KCNMB2: variants seen among roughly 807,000 people sequenced by gnomAD.
The protein encoded by KCNMB2 is calcium-activated potassium channel subunit beta-2.
KCNMB2 carries 9 observed loss-of-function variants against 24.5 expected under a neutral mutation model. The ratio of observed to expected loss-of-function variants is 0.37; its 90% CI spans 0.22 to 0.64. The LOEUF is 0.64. KCNMB2 is among the 30% of genes least tolerant of loss of function. The pLI is 0.63. For missense variants in KCNMB2, 226 were observed against 284.3 expected, an observed-to-expected ratio of 0.79 and a Z score of 1.47; for synonymous variants, 109 against 104.4, an observed-to-expected ratio of 1.04 and a Z score of -0.27.
chr3:178,717,479 T>C (rs992320532), intron 1 of KCNMB2, among the ~76,000 whole-genome samples: 5 of 152,142 alleles, frequency 3.3e-5, no homozygotes, highest in African/African-American at 1.2e-4. Context: ...AACCTCAGTA[T>C]AGGATGCTGC....
chr3:178,696,840 A>G (rs571298051), intron 1 of KCNMB2, among the ~76,000 whole-genome samples: 2 of 90,140 alleles, frequency 2.2e-5, no homozygotes, highest in Admixed American at 1.1e-4. Context: ...TTTACCAAAA[A>G]GTAAATTACT....
intron 1 of KCNMB2, among the ~76,000 whole-genome samples, chr3:178,614,283 ATATATATATATATG>A (rs1240490111): frequency 1.4e-5 from 1 of 69,544 alleles, no homozygotes; most frequent in East Asian, 4.7e-4. Flanking sequence ...ATATATATAT[ATATATATATATATG>A]TATGTATATA....
intron 1 of KCNMB2, among the ~76,000 whole-genome samples, chr3:178,762,666 G>T (rs1180718418): frequency 6.6e-6 from 1 of 152,100 alleles, no homozygotes; most frequent in Non-Finnish European, 1.5e-5. Flanking sequence ...GTTGAAACTG[G>T]GGTGGCAGTA....
chr3:178,684,819 G>A lies in KCNMB2; in HGVS notation c.-67-122524G>A, dbSNP rs185543073. 1.3e-3 allele frequency among the ~76,000 whole-genome samples: 199 copies of A among 152,198 alleles called. 1 individual carries two copies. Among genetic ancestry groups the A allele is most frequent in the Non-Finnish European group, 2.2e-3 (153 of 68,012 alleles). The stretch of plus-strand genomic sequence containing the variant: ...GCACTCCAGCCTGTGCAACAAGAGC[G>A]AAACTCCGTCTCAAAAAATAAATAA... On this transcript the variant is annotated intron_variant, in intron 1 of 4. Transcript: ENST00000452583.
chr3:178,759,303 A>T (rs1435370337), intron 1 of KCNMB2, among the ~76,000 whole-genome samples: 8 of 109,908 alleles, frequency 7.3e-5, no homozygotes, highest in Admixed American at 2.9e-4. Context: ...AGACATATAT[A>T]TATCTCCAAG....
chr3:178,823,301 G>C (rs2108465634), intron 2 of KCNMB2, among the ~76,000 whole-genome samples: 1 of 152,226 alleles, frequency 6.6e-6, no homozygotes, highest in Admixed American at 6.5e-5. Flanking sequence ...TTGGGAGCTG[G>C]GGAACAATGA....
chr3:178,780,867 T>C (rs934178906), intron 1 of KCNMB2, among the ~76,000 whole-genome samples: 3 of 152,188 alleles, frequency 2.0e-5, no homozygotes, highest in Non-Finnish European at 2.9e-5. Flanking sequence ...AAAATAGTGA[T>C]TATTTTTGAC....
intron 1 of KCNMB2, among the ~76,000 whole-genome samples, chr3:178,550,954 A>G (rs547380775): frequency 6.6e-6 from 1 of 152,356 alleles, no homozygotes; most frequent in Admixed American, 6.5e-5. Context: ...AGAGAATTCA[A>G]AGGAAGAGCT....
intron 1 of KCNMB2, among the ~76,000 whole-genome samples, chr3:178,738,281 C>G (rs193020025): frequency 1.3e-5 from 2 of 152,302 alleles, no homozygotes; most frequent in East Asian, 3.9e-4. Context: ...TTAGTCCCAG[C>G]CACCGGCATC....
chr3:178,716,190 AT>A (rs1722612525), intron 1 of KCNMB2, among the ~76,000 whole-genome samples: 1 of 152,198 alleles, frequency 6.6e-6, no homozygotes, highest in African/African-American at 2.4e-5. Context: ...CATATTTGAT[AT>A]TTCTGAATTT....
chr3:178,640,153 G>A (rs2108547670), intron 1 of KCNMB2, among the ~76,000 whole-genome samples: 1 of 152,214 alleles, frequency 6.6e-6, no homozygotes, highest in East Asian at 1.9e-4. Flanking sequence ...CAATGAAATG[G>A]GCACAAGACG....
At chr3:178,703,511 C>A (rs1189290737) in intron 1 of KCNMB2, among the ~76,000 whole-genome samples, 2 of 132,998 alleles carry the variant, frequency 1.5e-5, no homozygotes, top group African/African-American at 6.3e-5. Flanking sequence ...AGGCACCCAC[C>A]CCCCCAAAAA....
At chr3:178,558,082 C>A (rs1716186035) in intron 1 of KCNMB2, among the ~76,000 whole-genome samples, 1 of 152,138 alleles carries the variant, frequency 6.6e-6, no homozygotes, top group Non-Finnish European at 1.5e-5. Context: ...AAACTATGTG[C>A]AATTTCTTCT....
intron 1 of KCNMB2, among the ~76,000 whole-genome samples, chr3:178,769,537 T>C (rs1429941762): frequency 6.6e-6 from 1 of 152,050 alleles, no homozygotes; most frequent in African/African-American, 2.4e-5. Flanking sequence ...CCCCAAAAGG[T>C]GGACACAGGA....
chr3:178,649,960 G>A (rs185553690), intron 1 of KCNMB2, among the ~76,000 whole-genome samples: 84 of 152,148 alleles, frequency 5.5e-4, no homozygotes, highest in African/African-American at 1.7e-3. Flanking sequence ...GATCTTTCCC[G>A]CTTTCTCCTG....
Position 178,828,204 on chromosome 3 carries a change from C to T in KCNMB2, c.254C>T (p.Thr85Ile). 1 of 1,613,952 alleles carries T rather than the reference C, an allele frequency of 6.2e-7. No individual in the cohort carries two copies. Among genetic ancestry groups the T allele is most frequent in the Non-Finnish European group, 8.5e-7 (1 of 1,179,890 alleles). Residue 85 changes from threonine (T) to isoleucine (I), a missense_variant, in exon 4 of 5, where the codon ACC (threonine) becomes ATC (isoleucine). Transcript: ENST00000452583. ...QSVWTEESQCTLLNASITETF... is the reference protein window; with the variant it reads ...QSVWTEESQCILLNASITETF... ...GTGTGGACCGAAGAGTCTCAATGCACCTTGCTGAATGCGTCCATCACGGAA... is the reference window on the plus strand; with the variant it reads ...GTGTGGACCGAAGAGTCTCAATGCATCTTGCTGAATGCGTCCATCACGGAA...
intron 1 of KCNMB2, among the ~76,000 whole-genome samples, chr3:178,773,061 A>G (rs1712438985): frequency 6.6e-6 from 1 of 152,088 alleles, no homozygotes; most frequent in Non-Finnish European, 1.5e-5. Flanking sequence ...TCCCCTACAT[A>G]TTCCACACTT....
At chr3:178,763,469 G>A (rs1162141456) in intron 1 of KCNMB2, among the ~76,000 whole-genome samples, 2 of 152,280 alleles carry the variant, frequency 1.3e-5, no homozygotes, top group South Asian at 2.1e-4. Context: ...GAAAAGCAAA[G>A]AGAGGAAGTG....
At chr3:178,646,456 C>T (rs1189625174) in intron 1 of KCNMB2, among the ~76,000 whole-genome samples, 2 of 152,182 alleles carry the variant, frequency 1.3e-5, no homozygotes, top group South Asian at 4.1e-4. Context: ...AAAGAACAGA[C>T]TGAACCTCTC....
Sources: allele counts gnomAD v4.1 joint callset (sites outside exome capture counted in the v4.1 genomes callset), GRCh38; gene constraint gnomAD v4.1.1; transcripts MANE v1.5; gene names NCBI Gene and HGNC (gene_info 2026-07-23, HGNC 2026-07-21).